TXLNG: variants seen among roughly 807,000 people sequenced by gnomAD.
TXLNG encodes gamma-taxilin.
A neutral mutation model predicts 38.8 loss-of-function variants in TXLNG; 5 were observed. The ratio of observed to expected loss-of-function variants is 0.13; its 90% CI spans 0.07 to 0.27. TXLNG has a LOEUF of 0.27. TXLNG is among the 10% of genes least tolerant of loss of function. The pLI is 1.00. For synonymous variants in TXLNG, 182 were observed against 158.2 expected (o/e 1.15, Z -1.13); for missense variants, 393 against 398.2 (o/e 0.99, Z 0.11).
At chrX:16,800,691 G>A (rs960350814) in intron 1 of TXLNG, among the ~76,000 whole-genome samples, 4 of 109,554 alleles carry the variant, frequency 3.7e-5, no homozygotes, top group African/African-American at 6.7e-5. Context: ...CAGCCTCCTG[G>A]GTAGCTGGGA....
At chrX:16,808,619 C>T (rs762742586) in intron 1 of TXLNG, among the ~76,000 whole-genome samples, 9 of 111,584 alleles carry the variant, frequency 8.1e-5, no homozygotes, top group Non-Finnish European at 1.7e-4. Context: ...ATTTATACCT[C>T]CTCAAGCCTC....
intron 4 of TXLNG, 90 bp from the exon 5 acceptor site, chrX:16,829,486 C>A: frequency 1.1e-6 from 1 of 897,225 alleles, no homozygotes; most frequent in Non-Finnish European, 1.5e-6. Context: ...GTCAGGGCAG[C>A]AACAAATGAA....
rs1022516442 is a variant in TXLNG, at chrX:16,789,678, A to G, written c.102+3089A>G. ...ATCCCTATGTAGAATTTGCTTTATA[A>G]GGTTGATTTAAAAAAAAATTAATAG... On this transcript the variant is annotated intron_variant, in intron 1 of 9. Coordinates refer to ENST00000380122, the MANE Select transcript of TXLNG (RefSeq NM_018360.3). Among the ~76,000 whole-genome samples the G allele has an allele frequency of 3.7e-5, 4 of 106,839 alleles. No individual in the cohort carries two copies. The South Asian group carries it at 1.7e-3, about 46-fold the overall frequency. The allele number at this position is 106,839 out of a possible 115,157, so 92.8% of individuals were successfully genotyped here. A position where few individuals can be genotyped will look rare whatever the true frequency, so the allele number is the denominator to read the frequency against.
Position 16,829,381 on chromosome X carries a change from C to A in TXLNG, c.670-195C>A, listed in dbSNP as rs1307730293. On this transcript the variant is annotated intron_variant, in intron 4 of 9. Transcript: ENST00000380122. Reference sequence around the variant, plus strand: ...TTGTAGCAGGACAGTTTGCATCTCTCTGGTTATCTGTCTACTTAGGAAAAA... The same window carrying A: ...TTGTAGCAGGACAGTTTGCATCTCTATGGTTATCTGTCTACTTAGGAAAAA... 3.6e-5 allele frequency among the ~76,000 whole-genome samples: 4 copies of A among 111,360 alleles called. No homozygotes were observed. In the Admixed American group the frequency reaches 3.8e-4, roughly 11 times the overall value.
intron 7 of TXLNG, among the ~76,000 whole-genome samples, chrX:16,836,677 C>T (rs1929604848): frequency 8.9e-6 from 1 of 112,557 alleles, no homozygotes; most frequent in Admixed American, 9.4e-5. Flanking sequence ...CTAGGTGGTG[C>T]TGGTGAATAT....
chrX:16,786,557 C>T lies in TXLNG; in HGVS notation c.70C>T (p.Arg24Trp), dbSNP rs775368519. The change falls in exon 1 of 10, where the codon CGG becomes TGG. Residue 24 changes from arginine to tryptophan, a missense_variant. Arg to Trp is a moderately radical substitution (Grantham distance 101). Transcript: ENST00000380122. ...GGAEEATEAG[R>W]GGRRRSPRQK... ...CGCCGAAGAGGCGACTGAGGCCGGA[C>T]GGGGCGGACGGCGACGCAGCCCGCG... 4.6e-6 allele frequency: 5 copies of T among 1,077,574 alleles called. No homozygotes were observed. Among genetic ancestry groups the T allele is most frequent in the African/African-American group, 2.0e-5 (1 of 50,806 alleles). 88.8% of individuals were successfully genotyped at this position (1,077,574 alleles called of 1,213,427 possible).
chrX:16,817,266 A>G (rs932280965), intron 1 of TXLNG, among the ~76,000 whole-genome samples: 6 of 112,260 alleles, frequency 5.3e-5, no homozygotes, highest in African/African-American at 1.6e-4. Context: ...CACTTGGGCA[A>G]AATCCCAGGA....
chrX:16,842,893 G>A lies in TXLNG; in HGVS notation c.*1127G>A, dbSNP rs1275487812. On this transcript the variant is annotated 3_prime_UTR_variant, in exon 10 of 10. Transcript: ENST00000380122. ...AGTCTGTTTTCTCACCCCCTTCTTA[G>A]TTACCATCTCTTTTTTAAGAAGAAA... is the stretch of plus-strand genomic sequence containing the variant. 1 of 111,692 alleles carries A rather than the reference G, an allele frequency of 9.0e-6. No individual in the cohort carries two copies. The highest frequency in any genetic ancestry group is 3.3e-5 in the African/African-American group (1 of 30,721). The allele number at this position is 111,692 out of a possible 1,213,427, so 9.2% of individuals were successfully genotyped here. A position where few individuals can be genotyped will look rare whatever the true frequency, so the allele number is the denominator to read the frequency against.
At chrX:16,837,088 T>G (rs1929620563) in intron 7 of TXLNG, among the ~76,000 whole-genome samples, 2 of 112,144 alleles carry the variant, frequency 1.8e-5, no homozygotes, top group African/African-American at 6.5e-5. Flanking sequence ...AGGGTAGGAC[T>G]ATGTTAAGAG....
intron 9 of TXLNG, chrX:16,840,389 TA>T: frequency 1.4e-6 from 1 of 730,872 alleles, no homozygotes; most frequent in Non-Finnish European, 1.6e-6. Flanking sequence ...CTTGACTTAT[TA>T]GGCTTTCAAA....
chrX:16,820,273 G>A lies in TXLNG; in HGVS notation c.498+18G>A. 8.7e-7 allele frequency: 1 copy of A among 1,144,064 alleles called. No individual in the cohort carries two copies. Among genetic ancestry groups the A allele is most frequent in the Non-Finnish European group, 1.2e-6 (1 of 843,682 alleles). 94.3% of individuals were successfully genotyped at this position (1,144,064 alleles called of 1,213,427 possible). On this transcript the variant is annotated intron_variant, in intron 3 of 9. Coordinates refer to ENST00000380122, the MANE Select transcript of TXLNG (RefSeq NM_018360.3). Reference sequence around the variant, plus strand: ...CTGATCTTGTGAGTATTAAGCCAAGGATGTGAGAGCCATATAAAATATAAC... The same window carrying A: ...CTGATCTTGTGAGTATTAAGCCAAGAATGTGAGAGCCATATAAAATATAAC...
chrX:16,790,580 G>C (rs1927667985), intron 1 of TXLNG, among the ~76,000 whole-genome samples: 2 of 111,040 alleles, frequency 1.8e-5, no homozygotes. Flanking sequence ...CTAGATTTTT[G>C]CTTGGGAATG....
At position 16,843,286 on chromosome X, in the gene TXLNG, G is replaced by A. The variant is rs1447994623; in HGVS notation, c.*1520G>A. The A allele has an allele frequency of 8.9e-6, 1 of 111,926 alleles. No homozygotes were observed. The highest frequency in any genetic ancestry group is 3.7e-4 in the South Asian group (1 of 2,697). The allele number at this position is 111,926 out of a possible 1,213,427, so 9.2% of individuals were successfully genotyped here. ...TCCTGTCACATTCATGGTCGAAACT[G>A]GGTTGAAAGAATTGAAAATTGTCCA... is the stretch of plus-strand genomic sequence containing the variant. On this transcript the variant is annotated 3_prime_UTR_variant, in exon 10 of 10. Transcript: ENST00000380122.
intron 1 of TXLNG, among the ~76,000 whole-genome samples, chrX:16,807,675 T>C (rs1928379954): frequency 9.0e-6 from 1 of 111,280 alleles, no homozygotes; most frequent in African/African-American, 3.3e-5. Context: ...TGAGGCAAGC[T>C]AAGGATGTCT....
chrX:16,841,193 CA>C (rs200825105), intron 9 of TXLNG, among the ~76,000 whole-genome samples: 92 of 98,280 alleles, frequency 9.4e-4, no homozygotes, highest in Non-Finnish European at 7.9e-4. Flanking sequence ...GACTCTGTCT[CA>C]AAAAAAAAAA....
At chrX:16,821,424 C>T (rs1928954965) in intron 3 of TXLNG, among the ~76,000 whole-genome samples, 1 of 112,128 alleles carries the variant, frequency 8.9e-6, no homozygotes, top group African/African-American at 3.2e-5. Context: ...CAGGCATGAG[C>T]CACTGTGCCT....
chrX:16,827,187 C>T (rs1365705685), intron 3 of TXLNG, among the ~76,000 whole-genome samples: 1 of 111,056 alleles, frequency 9.0e-6, no homozygotes, highest in Non-Finnish European at 1.9e-5. Flanking sequence ...CGAGATTGTG[C>T]AACAGAATAA....
Position 16,823,887 on chromosome X carries a change from T to C in TXLNG, c.498+3632T>C, listed in dbSNP as rs1929073797. Among the ~76,000 whole-genome samples, 3 of 111,324 alleles carry C rather than the reference T, an allele frequency of 2.7e-5. No homozygotes were observed. The South Asian group carries it at 1.1e-3, about 42-fold the overall frequency. ...TAATATATGCTTGGGGTAGGTTCCATTCTCCTTACTCTTTTCTTCTGAAGT... is the reference window on the plus strand; with the variant it reads ...TAATATATGCTTGGGGTAGGTTCCACTCTCCTTACTCTTTTCTTCTGAAGT... On this transcript the variant is annotated intron_variant, in intron 3 of 9. Transcript: ENST00000380122.
intron 1 of TXLNG, among the ~76,000 whole-genome samples, chrX:16,808,655 C>T (rs1928407779): frequency 9.0e-6 from 1 of 111,611 alleles, no homozygotes; most frequent in South Asian, 3.7e-4. Context: ...GTATGTGCTA[C>T]AGGGTATTTT....
Sources: allele counts gnomAD v4.1 joint callset (sites outside exome capture counted in the v4.1 genomes callset), GRCh38; gene constraint gnomAD v4.1.1; transcripts MANE v1.5; gene names NCBI Gene and HGNC (gene_info 2026-07-23, HGNC 2026-07-21).